The following ALCAM variants were observed in gnomAD, a reference collection of about 807,000 sequenced individuals.
ALCAM encodes CD166 antigen.
ALCAM carries 30 observed loss-of-function variants against 70.9 expected under a neutral mutation model. The observed-to-expected ratio is 0.42, with a 90% CI of 0.32 to 0.57. The LOEUF (loss-of-function observed/expected upper bound fraction) is 0.57, where lower values mean the gene tolerates loss of function less well. ALCAM is among the 20% of genes least tolerant of loss of function. The pLI, the probability that ALCAM is intolerant of heterozygous loss-of-function variation, is 0.11. For synonymous variants in ALCAM, 249 were observed against 242.5 expected (o/e 1.03, Z -0.25); for missense variants, 591 against 695.1 (o/e 0.85, Z 1.68).
chr3:105,538,230 C>T (rs190705644), intron 6 of ALCAM, among the ~76,000 whole-genome samples: 106 of 152,014 alleles, frequency 7.0e-4, no homozygotes, highest in African/African-American at 2.5e-3. Flanking sequence ...AGGACATGGA[C>T]TAGGGAAGTG....
At chr3:105,407,412 T>G (rs2107385930) in intron 1 of ALCAM, among the ~76,000 whole-genome samples, 1 of 152,090 alleles carries the variant, frequency 6.6e-6, no homozygotes, top group East Asian at 1.9e-4. Context: ...AGGGATTGTT[T>G]AACATACATA....
intron 1 of ALCAM, among the ~76,000 whole-genome samples, chr3:105,467,630 A>G (rs1352021597): frequency 1.3e-5 from 2 of 151,234 alleles, no homozygotes; most frequent in Non-Finnish European, 3.0e-5. Flanking sequence ...ATATTATAGG[A>G]TCTTCAATGA....
intron 1 of ALCAM, among the ~76,000 whole-genome samples, chr3:105,487,698 A>G (rs917536018): frequency 8.5e-5 from 13 of 152,188 alleles, no homozygotes; most frequent in African/African-American, 3.1e-4. Context: ...AAGAGTAAGT[A>G]TAGGGTCAGA....
intron 8 of ALCAM, 149 bp from the exon 9 acceptor site, chr3:105,545,074 T>C: frequency 1.6e-6 from 1 of 632,396 alleles, no homozygotes; most frequent in Non-Finnish European, 2.9e-6. Flanking sequence ...AATCATGCTA[T>C]AGTCCAATTA....
intron 1 of ALCAM, among the ~76,000 whole-genome samples, chr3:105,407,637 G>A (rs1230564952): frequency 1.3e-5 from 2 of 152,114 alleles, no homozygotes; most frequent in Non-Finnish European, 2.9e-5. Context: ...AAAGTTGAAA[G>A]CATTCCCCCA....
chr3:105,489,309 T>C (rs1938518373), intron 1 of ALCAM, among the ~76,000 whole-genome samples: 1 of 152,186 alleles, frequency 6.6e-6, no homozygotes, highest in African/African-American at 2.4e-5. Context: ...GCTCCAATTT[T>C]ATATCAATAA....
chr3:105,440,496 A>G (rs944193965), intron 1 of ALCAM, among the ~76,000 whole-genome samples: 20 of 152,200 alleles, frequency 1.3e-4, no homozygotes, highest in African/African-American at 4.8e-4. Context: ...TAACTTCTCA[A>G]AGGCAGTAAT....
intron 1 of ALCAM, among the ~76,000 whole-genome samples, chr3:105,482,191 C>A (rs920833268): frequency 6.6e-6 from 1 of 152,166 alleles, no homozygotes. Flanking sequence ...TTGGTCACTG[C>A]AACCTCTGTC....
At chr3:105,454,636 A>G (rs911476840) in intron 1 of ALCAM, among the ~76,000 whole-genome samples, 5 of 144,494 alleles carry the variant, frequency 3.5e-5, no homozygotes, top group African/African-American at 5.1e-5. Context: ...GTATTGGCAC[A>G]TAGTAGATGC....
intron 1 of ALCAM, among the ~76,000 whole-genome samples, chr3:105,410,660 AG>A (rs1326992733): frequency 6.6e-6 from 1 of 151,998 alleles, no homozygotes; most frequent in Admixed American, 6.6e-5. Context: ...TACCTTTCCG[AG>A]GCAGGCAGGT....
intron 2 of ALCAM, among the ~76,000 whole-genome samples, chr3:105,522,922 G>C (rs1189970658): frequency 6.6e-6 from 1 of 152,024 alleles, no homozygotes; most frequent in East Asian, 1.9e-4. Context: ...GGCGGATCAC[G>C]AGGTCAGGAG....
chr3:105,394,033 C>T (rs188944327), intron 1 of ALCAM, among the ~76,000 whole-genome samples: 26 of 151,774 alleles, frequency 1.7e-4, no homozygotes, highest in Admixed American at 1.1e-3. Flanking sequence ...CAAAATATTT[C>T]GAGTCCATTC....
intron 14 of ALCAM, among the ~76,000 whole-genome samples, chr3:105,561,611 C>T (rs562478889): frequency 6.6e-5 from 10 of 152,088 alleles, no homozygotes; most frequent in South Asian, 2.1e-4. Flanking sequence ...AGTTAGGGTC[C>T]GACCACAAAG....
chr3:105,483,281 A>T (rs1170394071), intron 1 of ALCAM, among the ~76,000 whole-genome samples: 1 of 152,176 alleles, frequency 6.6e-6, no homozygotes, highest in Non-Finnish European at 1.5e-5. Flanking sequence ...ATATTTGCAG[A>T]GTGCCTACTA....
chr3:105,426,131 T>C (rs1936784953), intron 1 of ALCAM, among the ~76,000 whole-genome samples: 1 of 151,860 alleles, frequency 6.6e-6, no homozygotes, highest in Non-Finnish European at 1.5e-5. Context: ...TTTCAAACTA[T>C]ATTTAGTGAC....
Position 105,534,766 on chromosome 3 carries a change from A to G in ALCAM, c.651A>G (p.Pro217=). ...YKTTKADIQM[P]FTCSVTYYGP... ...CAACCAAGGCTGACATACAAATGCC[A>G]TTCACCTGCTCGGTGACATATTATG... The change falls in exon 6 of 16, where the codon CCA becomes CCG. Residue 217 remains proline (P), a synonymous_variant. Transcript: ENST00000306107. 4 of 1,613,858 alleles carry G rather than the reference A, an allele frequency of 2.5e-6. No homozygotes were observed. The highest frequency in any genetic ancestry group is 2.2e-5 in the South Asian group (2 of 91,086).
intron 7 of ALCAM, 33 bp from the exon 8 acceptor site, chr3:105,541,600 T>A (rs747459250): frequency 1.9e-6 from 3 of 1,607,632 alleles, no homozygotes; most frequent in African/African-American, 1.3e-5. Flanking sequence ...AGCGACCAAG[T>A]ATAATCATCT....
rs952235413 is a variant in ALCAM at position 105,389,993 on chromosome 3, GC to G, written c.73+22513del. 8.4e-4 allele frequency among the ~76,000 whole-genome samples: 127 copies of G among 151,798 alleles called. 3 individuals are homozygous for G. The highest frequency in any genetic ancestry group is 3.0e-3 in the African/African-American group (123 of 41,434). ...TCTTTATCCAGCCTATCATTGATAG[GC>G]ATTTAGGTTGATTCCATGTCTTTGC... On this transcript the variant is annotated intron_variant, in intron 1 of 15. Coordinates refer to ENST00000306107, the MANE Select transcript of ALCAM (RefSeq NM_001627.4).
intron 1 of ALCAM, among the ~76,000 whole-genome samples, chr3:105,457,407 G>A (rs952520749): frequency 6.6e-6 from 1 of 152,102 alleles, no homozygotes; most frequent in East Asian, 1.9e-4. Flanking sequence ...ATTAGAAGGA[G>A]GAGGGTGGGA....
Sources: gnomAD v4.1 joint callset for allele counts (sites outside exome capture counted in the v4.1 genomes callset) on GRCh38, gnomAD v4.1.1 for gene constraint, MANE v1.5 for transcripts, NCBI Gene and HGNC (gene_info 2026-07-23, HGNC 2026-07-21) for gene names.